The following LYZL4 variants were observed in gnomAD, a reference collection of about 807,000 sequenced individuals.
LYZL4 encodes lysozyme-like protein 4.
Under a neutral mutation model 17.6 loss-of-function variants are expected in LYZL4, and 13 were observed. The ratio of observed to expected loss-of-function variants is 0.74; its 90% confidence interval spans 0.48 to 1.18. The LOEUF is 1.18. Among genes scored for constraint, LYZL4 ranks in the 50% most tolerant of loss-of-function variants. LYZL4 has a pLI of 0.00. For synonymous variants in LYZL4, 64 were observed against 67.7 expected, an observed-to-expected ratio of 0.95 and a Z score of 0.27; for missense variants, 174 against 188.2, an observed-to-expected ratio of 0.92 and a Z score of 0.44.
intron 1 of LYZL4, among the ~76,000 whole-genome samples, chr3:42,408,531 G>C (rs1163900872): frequency 1.3e-5 from 2 of 152,106 alleles, no homozygotes; most frequent in African/African-American, 2.4e-5. Context: ...TTTTCCCTCT[G>C]AGCCCCTATT....
chr3:42,363,430 A>G, the LYZL4 span, among the ~76,000 whole-genome samples: 1 of 152,218 alleles, frequency 6.6e-6, no homozygotes, highest in African/African-American at 2.4e-5. Flanking sequence ...GATAGCTGCA[A>G]TCTATTTTCA....
At chr3:42,389,146 T>A in the LYZL4 span, among the ~76,000 whole-genome samples, 1 of 152,198 alleles carries the variant, frequency 6.6e-6, no homozygotes. Context: ...TCGGAGGTGC[T>A]CATGATGACA....
intron 4 of LYZL4, 106 bp downstream of exon 4, chr3:42,403,940 A>T: frequency 1.4e-6 from 1 of 724,924 alleles, no homozygotes; most frequent in Non-Finnish European, 2.3e-6. Context: ...AGAGCCTTTT[A>T]GTTTTGGCAC....
the LYZL4 span, among the ~76,000 whole-genome samples, chr3:42,391,369 C>T: frequency 1.7e-3 from 260 of 152,206 alleles, 1 homozygote; most frequent in African/African-American, 5.9e-3. Flanking sequence ...GCCGAGGTCC[C>T]TCCAACATTG....
chr3:42,387,539 C>G, the LYZL4 span, among the ~76,000 whole-genome samples: 1 of 152,130 alleles, frequency 6.6e-6, no homozygotes, highest in East Asian at 1.9e-4. Flanking sequence ...CCACACCTGC[C>G]GTCCCTTGGT....
chr3:42,409,508 T>A (rs376503421), intron 1 of LYZL4, among the ~76,000 whole-genome samples: 1 of 152,212 alleles, frequency 6.6e-6, no homozygotes, highest in Non-Finnish European at 1.5e-5. Flanking sequence ...TCTCAACTCG[T>A]AGAAGGCATA....
intron 4 of LYZL4, among the ~76,000 whole-genome samples, chr3:42,398,354 A>G (rs1201839967): frequency 2.0e-5 from 3 of 152,190 alleles, no homozygotes; most frequent in Admixed American, 1.3e-4. Flanking sequence ...GGCTTAGCAT[A>G]GCTCCACTCA....
At chr3:42,401,057 G>A (rs1363580846) in intron 4 of LYZL4, among the ~76,000 whole-genome samples, 1 of 152,158 alleles carries the variant, frequency 6.6e-6, no homozygotes, top group Non-Finnish European at 1.5e-5. Flanking sequence ...ACAGTGAACA[G>A]AGACAAGAAA....
At chr3:42,406,245 A>G (rs1304266430) in intron 3 of LYZL4, among the ~76,000 whole-genome samples, 2 of 152,108 alleles carry the variant, frequency 1.3e-5, no homozygotes, top group Non-Finnish European at 2.9e-5. Flanking sequence ...CGAGGTCAGG[A>G]GATTGAGACC....
At chr3:42,403,426 A>T (rs962255613) in intron 4 of LYZL4, among the ~76,000 whole-genome samples, 1 of 151,836 alleles carries the variant, frequency 6.6e-6, no homozygotes, top group African/African-American at 2.4e-5. Context: ...CACCCGACTT[A>T]TTTTATTTTA....
chr3:42,394,302 A>G (rs1267400692), downstream of LYZL4, among the ~76,000 whole-genome samples: 1 of 152,170 alleles, frequency 6.6e-6, no homozygotes, highest in Admixed American at 6.5e-5. Context: ...CCAATTTTCC[A>G]GCTAATGGAG....
At chr3:42,388,135 G>T in the LYZL4 span, among the ~76,000 whole-genome samples, 1 of 152,266 alleles carries the variant, frequency 6.6e-6, no homozygotes, top group East Asian at 1.9e-4. Flanking sequence ...ACAGTGGGTG[G>T]CCAGAAGAAA....
At chr3:42,381,758 A>G in the LYZL4 span, among the ~76,000 whole-genome samples, 1 of 152,226 alleles carries the variant, frequency 6.6e-6, no homozygotes, top group Non-Finnish European at 1.5e-5. Flanking sequence ...AAAATATAAA[A>G]TTCTACAGAA....
the LYZL4 span, among the ~76,000 whole-genome samples, chr3:42,380,791 A>T: frequency 6.6e-6 from 1 of 152,074 alleles, no homozygotes. Context: ...TTCCCACCAC[A>T]CTTCCATGGG....
At chr3:42,406,609 T>C (rs1166165407) in intron 3 of LYZL4, among the ~76,000 whole-genome samples, 3 of 152,042 alleles carry the variant, frequency 2.0e-5, no homozygotes, top group Admixed American at 6.5e-5. Flanking sequence ...CTCTGCCCAT[T>C]TGGACAGGGG....
chr3:42,379,801 C>A, the LYZL4 span, among the ~76,000 whole-genome samples: 1 of 152,156 alleles, frequency 6.6e-6, no homozygotes. Flanking sequence ...ATGTTGAAAT[C>A]CTAATCCTCA....
At chr3:42,395,024 C>T (rs748563921), downstream of LYZL4, among the ~76,000 whole-genome samples, 4 of 152,186 alleles carry the variant, frequency 2.6e-5, no homozygotes, top group Non-Finnish European at 5.9e-5. Context: ...ACTGCAAGTG[C>T]CACTGCCAGT....
intron 3 of LYZL4, 111 bp from the exon 4 acceptor site, chr3:42,404,235 A>G (rs1259432274): frequency 3.3e-6 from 2 of 603,114 alleles, no homozygotes; most frequent in South Asian, 2.6e-5. Flanking sequence ...AGTGAATTCC[A>G]AGAATAAATC....
chr3:42,371,254 C>A, the LYZL4 span, among the ~76,000 whole-genome samples: 4 of 152,140 alleles, frequency 2.6e-5, no homozygotes, highest in Non-Finnish European at 5.9e-5. Context: ...TTATGGAGAC[C>A]AGCACTCAGG....
Sources: allele counts gnomAD v4.1 joint callset (sites outside exome capture counted in the v4.1 genomes callset), GRCh38; gene constraint gnomAD v4.1.1; transcripts MANE v1.5; gene names NCBI Gene and HGNC (gene_info 2026-07-23, HGNC 2026-07-21).